Variants in GRXCR1 observed in about 807,000 individuals in gnomAD.
GRXCR1 encodes the protein glutaredoxin and cysteine rich domain containing 1.
In GRXCR1, 27 loss-of-function variants were observed where a neutral mutation model predicts 27.3. The observed-to-expected ratio is 0.99, with a 90% CI of 0.73 to 1.37. The LOEUF (loss-of-function observed/expected upper bound fraction) is 1.37. GRXCR1 is among the 40% of genes most tolerant of loss of function. The pLI is 0.00. For missense variants in GRXCR1, 379 were observed against 354.4 expected (o/e 1.07, Z -0.56); for synonymous variants, 122 against 131.1 (o/e 0.93, Z 0.47).
intron 2 of GRXCR1, among the ~76,000 whole-genome samples, chr4:42,976,848 C>T (rs963315036): frequency 4.0e-5 from 6 of 151,840 alleles, no homozygotes; most frequent in Non-Finnish European, 7.4e-5. Flanking sequence ...CAGCATTTTT[C>T]GAGAATGCAA....
Position 42,893,403 on chromosome 4 carries a change from G to A in GRXCR1, c.137G>A (p.Cys46Tyr), listed in dbSNP as rs777384949. The change falls in exon 1 of 4, where the codon TGT becomes TAT. Residue 46 changes from cysteine (C) to tyrosine (Y), a missense_variant. Coordinates refer to ENST00000399770, the MANE Select transcript of GRXCR1 (RefSeq NM_001080476.3). ...GQPSGSLDSE[C>Y]ASICGIDGLG... ...CCGTCAGGCTCTCTGGATTCTGAAT[G>A]TGCCAGTATCTGTGGGATAGATGGA... 4.3e-6 allele frequency: 7 copies of A among 1,613,834 alleles called. 1 individual carries two copies. The South Asian group carries it at 6.6e-5, about 15-fold the overall frequency.
intron 3 of GRXCR1, among the ~76,000 whole-genome samples, chr4:43,027,834 G>A (rs2109811098): frequency 6.6e-6 from 1 of 152,292 alleles, no homozygotes; most frequent in African/African-American, 2.4e-5. Context: ...ATTGGTCCAG[G>A]TATGGTGGCT....
intron 3 of GRXCR1, among the ~76,000 whole-genome samples, chr4:43,021,441 C>T (rs1713088604): frequency 6.6e-6 from 1 of 152,022 alleles, no homozygotes; most frequent in Admixed American, 6.6e-5. Context: ...GACTCATGTC[C>T]CAAATGAACT....
At chr4:42,956,431 T>C (rs959427530) in intron 1 of GRXCR1, among the ~76,000 whole-genome samples, 12 of 151,510 alleles carry the variant, frequency 7.9e-5, no homozygotes, top group Non-Finnish European at 1.5e-4. Context: ...AAGGAAAATG[T>C]AGCAAATGTA....
chr4:43,000,128 C>A (rs1032617071), intron 2 of GRXCR1, among the ~76,000 whole-genome samples: 2 of 152,178 alleles, frequency 1.3e-5, no homozygotes. Context: ...GCATGTGAAT[C>A]ATCTCTTTGT....
At chr4:42,983,293 C>T (rs1216584210) in intron 2 of GRXCR1, among the ~76,000 whole-genome samples, 5 of 145,154 alleles carry the variant, frequency 3.4e-5, no homozygotes, top group African/African-American at 7.7e-5. Context: ...GTTTTCCCAG[C>T]ACCATTTATT....
chr4:42,944,364 G>A (rs77128487), intron 1 of GRXCR1, among the ~76,000 whole-genome samples: 2,690 of 152,142 alleles, frequency 0.018, 50 homozygotes, highest in African/African-American at 0.048. Flanking sequence ...CTTGGATCCA[G>A]GAACAGCAAG....
intron 2 of GRXCR1, among the ~76,000 whole-genome samples, chr4:43,004,943 G>T (rs1020227194): frequency 6.6e-6 from 1 of 152,072 alleles, no homozygotes. Context: ...CATGAGATTT[G>T]GGAGGGTTCA....
intron 2 of GRXCR1, among the ~76,000 whole-genome samples, chr4:43,006,941 A>C (rs1335786175): frequency 6.6e-6 from 1 of 152,140 alleles, no homozygotes; most frequent in African/African-American, 2.4e-5. Flanking sequence ...GCTGACACTT[A>C]AGGAAAATAG....
chr4:42,968,049 A>G (rs1288837176), intron 2 of GRXCR1, among the ~76,000 whole-genome samples: 1 of 152,066 alleles, frequency 6.6e-6, no homozygotes, highest in Non-Finnish European at 1.5e-5. Context: ...CACTCTGCTG[A>G]GCAGCCAGTC....
At chr4:43,014,062 A>C (rs549704377) in intron 2 of GRXCR1, among the ~76,000 whole-genome samples, 1 of 152,054 alleles carries the variant, frequency 6.6e-6, no homozygotes, top group Non-Finnish European at 1.5e-5. Context: ...TGCAAAAAAA[A>C]AAAAAAAAAG....
chr4:43,006,986 C>T (rs116728241), intron 2 of GRXCR1, among the ~76,000 whole-genome samples: 91 of 152,172 alleles, frequency 6.0e-4, no homozygotes, highest in South Asian at 1.0e-3. Context: ...GCAGGTTCCC[C>T]GATAAAGGAG....
intron 2 of GRXCR1, among the ~76,000 whole-genome samples, chr4:42,974,107 A>G (rs1321205565): frequency 6.6e-6 from 1 of 152,106 alleles, no homozygotes; most frequent in Non-Finnish European, 1.5e-5. Context: ...GAGTTTAATG[A>G]TTGCAGGGTA....
intron 2 of GRXCR1, among the ~76,000 whole-genome samples, chr4:43,004,957 G>A (rs1205249011): frequency 6.6e-6 from 1 of 152,166 alleles, no homozygotes; most frequent in Non-Finnish European, 1.5e-5. Context: ...GGGTTCAGGG[G>A]TGGAATGACA....
At chr4:43,021,795 G>C (rs1386256098) in intron 3 of GRXCR1, among the ~76,000 whole-genome samples, 1 of 152,152 alleles carries the variant, frequency 6.6e-6, no homozygotes, top group Non-Finnish European at 1.5e-5. Context: ...AAAGCCATGC[G>C]ATACATACAG....
At chr4:43,019,368 G>T (rs55906844) in intron 2 of GRXCR1, among the ~76,000 whole-genome samples, 3,208 of 152,084 alleles carry the variant, frequency 0.021, 107 homozygotes, top group African/African-American at 0.073. Context: ...GTCCTGCTTG[G>T]CACCCTGCTT....
At chr4:43,011,370 G>T (rs1396127786) in intron 2 of GRXCR1, among the ~76,000 whole-genome samples, 2 of 152,186 alleles carry the variant, frequency 1.3e-5, no homozygotes, top group South Asian at 2.1e-4. Flanking sequence ...GGATAGAGAG[G>T]TTGGGGGTAT....
At chr4:42,930,780 A>G (rs1747287652) in intron 1 of GRXCR1, among the ~76,000 whole-genome samples, 2 of 152,022 alleles carry the variant, frequency 1.3e-5, no homozygotes, top group African/African-American at 4.8e-5. Flanking sequence ...TACATGTGTA[A>G]GGTCCTAGCA....
chr4:43,010,739 A>AAAAAGATTTAT lies in GRXCR1; in HGVS notation c.628-9609_628-9608insTTTATAAAAGA, dbSNP rs549316058. Among the ~76,000 whole-genome samples the AAAAAGATTTAT allele has an allele frequency of 2.8e-4, 42 of 152,314 alleles. No individual in the cohort carries two copies. The East Asian group carries it at 8.1e-3, about 29-fold the overall frequency. ...TGATCGCTTATTTAAAAAAGATTTA[A>AAAAAGATTTAT]AAAAGAAAGAAGTTGACAGTGTGAT... On this transcript the variant is annotated intron_variant, in intron 2 of 3. Transcript: ENST00000399770.
Sources: allele counts gnomAD v4.1 joint callset (sites outside exome capture counted in the v4.1 genomes callset), GRCh38; gene constraint gnomAD v4.1.1; transcripts MANE v1.5; gene names NCBI Gene and HGNC (gene_info 2026-07-23, HGNC 2026-07-21).